ADAMTS19: variants seen among roughly 807,000 people sequenced by gnomAD.
The protein encoded by ADAMTS19 is ADAM metallopeptidase with thrombospondin type 1 motif 19, also known as A disintegrin and metalloproteinase with thrombospondin motifs 19.
Under a neutral mutation model 153.3 loss-of-function variants are expected in ADAMTS19, and 93 were observed. That is an observed-to-expected ratio of 0.61 (90% CI 0.51 to 0.72). The LOEUF is 0.72. ADAMTS19 is among the 30% of genes least tolerant of loss of function. The pLI, the probability that ADAMTS19 is intolerant of heterozygous loss-of-function variation, is 0.00. For missense variants in ADAMTS19, 1,482 were observed against 1,552.1 expected, an observed-to-expected ratio of 0.95 and a Z score of 0.76; for synonymous variants, 600 against 556.6, an observed-to-expected ratio of 1.08 and a Z score of -1.10.
Position 129,596,594 on chromosome 5 carries a change from A to G in ADAMTS19, c.1408A>G (p.Arg470Gly). The G allele has an allele frequency of 1.2e-6, 2 of 1,608,916 alleles. No homozygotes were observed. Among genetic ancestry groups the G allele is most frequent in the South Asian group, 2.2e-5 (2 of 90,236 alleles). The change falls in exon 8 of 23, where the codon AGA (arginine) becomes GGA (glycine). Residue 470 changes from arginine to glycine, a missense_variant. Transcript: ENST00000274487. ...AYLSGMCSEK[R>G]KCIIAEDNGL... ...CTTGAGTGGAATGTGTAGTGAAAAG[A>G]GAAAATGTATTATTGCTGAAGACAA...
At chr5:129,717,049 T>C (rs1307958347) in intron 21 of ADAMTS19, among the ~76,000 whole-genome samples, 1 of 152,194 alleles carries the variant, frequency 6.6e-6, no homozygotes, top group Non-Finnish European at 1.5e-5. Flanking sequence ...ACAATCCAAG[T>C]CCTCAAAGAC....
At chr5:129,579,542 G>T (rs1176988095) in intron 7 of ADAMTS19, among the ~76,000 whole-genome samples, 2 of 152,074 alleles carry the variant, frequency 1.3e-5, no homozygotes, top group Non-Finnish European at 2.9e-5. Context: ...GTATTACCTA[G>T]GTTTTCTTCT....
In ADAMTS19 at chr5:129,461,924, C is replaced by A. The variant is rs1035272520; in HGVS notation, c.747+167C>A. On this transcript the variant is annotated intron_variant, in intron 2 of 22. Coordinates refer to ENST00000274487, the MANE Select transcript of ADAMTS19 (RefSeq NM_133638.6). This position sits in a 1 kb window ranked among gnomAD's most constrained non-coding sequence, Gnocchi z 4.6. ...ACATCGTTTGCCTCCCATGGAACAT[C>A]TCCAGGGCAGTTGTGTAAATCGGAA... is the stretch of plus-strand genomic sequence containing the variant. 2.6e-5 allele frequency among the ~76,000 whole-genome samples: 4 copies of A among 152,198 alleles called. No individual in the cohort carries two copies. The highest frequency in any genetic ancestry group is 9.7e-5 in the African/African-American group (4 of 41,446).
chr5:129,620,171 A>T (rs1171942287), intron 8 of ADAMTS19, among the ~76,000 whole-genome samples: 1 of 152,072 alleles, frequency 6.6e-6, no homozygotes, highest in Non-Finnish European at 1.5e-5. Flanking sequence ...TGAAAGACAT[A>T]GGAAATTAAT....
intron 20 of ADAMTS19, among the ~76,000 whole-genome samples, chr5:129,702,941 A>AAAATATATATATATAT: frequency 1.0e-4 from 3 of 29,294 alleles, no homozygotes; most frequent in African/African-American, 2.6e-4. Context: ...AAAAAAAAAA[A>AAAATATATATATATAT]ATATATATAT....
In ADAMTS19 at chr5:129,596,651, G is replaced by T; in HGVS notation, c.1465G>T (p.Glu489Ter). ...GLNLAFTIAHEMGHNMGINHD... is the reference protein window; with the variant it reads ...GLNLAFTIAH ...GAATCTTGCTTTTACAATTGCTCAT[G>T]AAATGGGTCACAAGTAAGTAAAAAT... The change falls in exon 8 of 23, where the codon GAA becomes TAA. Residue 489 changes from glutamate to a stop codon, truncating the protein, a stop_gained. Transcript: ENST00000274487. LOFTEE classifies it high-confidence loss of function. The T allele has an allele frequency of 6.2e-7, 1 of 1,604,658 alleles. No individual in the cohort carries two copies. The highest frequency in any genetic ancestry group is 8.5e-7 in the Non-Finnish European group (1 of 1,175,498).
At chr5:129,544,566 CA>C (rs1752786276) in intron 6 of ADAMTS19, among the ~76,000 whole-genome samples, 1 of 151,976 alleles carries the variant, frequency 6.6e-6, no homozygotes, top group East Asian at 1.9e-4. Flanking sequence ...TAAACCATAG[CA>C]AAAAATACAA....
At chr5:129,641,395 A>G (rs1040096877) in intron 10 of ADAMTS19, among the ~76,000 whole-genome samples, 2 of 152,236 alleles carry the variant, frequency 1.3e-5, no homozygotes, top group Non-Finnish European at 2.9e-5. Context: ...GGTCAAGACT[A>G]TATAATGAAT....
At chr5:129,530,324 G>T (rs568145630) in intron 6 of ADAMTS19, among the ~76,000 whole-genome samples, 1 of 152,204 alleles carries the variant, frequency 6.6e-6, no homozygotes, top group Non-Finnish European at 1.5e-5. Context: ...GTAAGAATGG[G>T]TAAGAAAAAT....
chr5:129,672,439 A>G (rs30662), intron 16 of ADAMTS19, among the ~76,000 whole-genome samples: 115,784 of 151,922 alleles, frequency 0.76, 44,274 homozygotes, highest in Non-Finnish European at 0.8. Flanking sequence ...AGACCCACCT[A>G]TACTTGATTC....
At chr5:129,714,357 T>A (rs2127186645) in intron 21 of ADAMTS19, among the ~76,000 whole-genome samples, 1 of 142,074 alleles carries the variant, frequency 7.0e-6, no homozygotes, top group Non-Finnish European at 1.5e-5. Context: ...AAGCGGAGCT[T>A]GCAGTGAGCC....
chr5:129,661,064 C>T (rs1373163109), intron 15 of ADAMTS19, among the ~76,000 whole-genome samples: 1 of 152,154 alleles, frequency 6.6e-6, no homozygotes, highest in African/African-American at 2.4e-5. Context: ...TCACGTAGTT[C>T]TCAGTTCAAA....
At chr5:129,679,183 T>A (rs1754681980) in intron 16 of ADAMTS19, among the ~76,000 whole-genome samples, 1 of 152,206 alleles carries the variant, frequency 6.6e-6, no homozygotes, top group Non-Finnish European at 1.5e-5. Flanking sequence ...ACATTTATCT[T>A]CCATTCTTGT....
chr5:129,720,360 A>G (rs246245), intron 21 of ADAMTS19, among the ~76,000 whole-genome samples: 142,965 of 151,618 alleles, frequency 0.94, 67,510 homozygotes, highest in East Asian at 1. Flanking sequence ...TAGTAGAAAC[A>G]GGGTTTCACC....
chr5:129,662,631 CTA>C (rs1254971887), intron 15 of ADAMTS19, among the ~76,000 whole-genome samples: 1 of 152,072 alleles, frequency 6.6e-6, no homozygotes, highest in Non-Finnish European at 1.5e-5. Context: ...TTTGTTATAT[CTA>C]TTCTTCTTTT....
At chr5:129,715,091 A>G (rs1199055692) in intron 21 of ADAMTS19, among the ~76,000 whole-genome samples, 4 of 152,240 alleles carry the variant, frequency 2.6e-5, no homozygotes, top group Non-Finnish European at 5.9e-5. Context: ...TAGGTTTGTT[A>G]ATCATATACA....
intron 11 of ADAMTS19, among the ~76,000 whole-genome samples, chr5:129,646,593 C>T (rs1399834290): frequency 2.0e-5 from 3 of 151,956 alleles, no homozygotes; most frequent in South Asian, 4.2e-4. Context: ...ACAGTTAGCC[C>T]TTATTAAATC....
intron 21 of ADAMTS19, among the ~76,000 whole-genome samples, chr5:129,721,237 G>A (rs947249042): frequency 6.6e-6 from 1 of 152,150 alleles, no homozygotes; most frequent in Non-Finnish European, 1.5e-5. Flanking sequence ...ACATGAAGAT[G>A]ATCTTGATAA....
chr5:129,604,970 T>C (rs1387880732), intron 8 of ADAMTS19, among the ~76,000 whole-genome samples: 1 of 152,176 alleles, frequency 6.6e-6, no homozygotes, highest in East Asian at 1.9e-4. Context: ...TCTTTGAGTG[T>C]TCTCTGTTTC....
Sources: allele counts gnomAD v4.1 joint callset (sites outside exome capture counted in the v4.1 genomes callset), GRCh38; gene constraint gnomAD v4.1.1; non-coding constraint Gnocchi (gnomAD v3.1); transcripts MANE v1.5; gene names NCBI Gene and HGNC (gene_info 2026-07-23, HGNC 2026-07-21).